Variants in VPS13A observed in about 807,000 individuals in gnomAD.
VPS13A encodes intermembrane lipid transfer protein VPS13A.
Under a neutral mutation model 390.9 loss-of-function variants are expected in VPS13A, and 264 were observed. The ratio of observed to expected loss-of-function variants is 0.68; its 90% CI spans 0.61 to 0.75. The LOEUF is 0.75. Among genes scored for constraint, VPS13A ranks in the 30% least tolerant of loss-of-function variants. The pLI is 0.00. For missense variants in VPS13A, 3,409 were observed against 3,733.9 expected, an observed-to-expected ratio of 0.91 and a Z score of 2.27; for synonymous variants, 1,231 against 1,227.1, an observed-to-expected ratio of 1.00 and a Z score of -0.07.
At chr9:77,351,178 T>A in intron 52 of VPS13A, 139 bp from the exon 53 acceptor site, 1 of 1,113,638 alleles carries the variant, frequency 9.0e-7, no homozygotes, top group South Asian at 1.4e-5. Flanking sequence ...TTGTATAAGG[T>A]AAGAATTTCA....
chr9:77,219,907 C>G (rs1823089998), intron 10 of VPS13A, 47 bp from the exon 11 acceptor site: 1 of 1,595,796 alleles, frequency 6.3e-7, no homozygotes, highest in African/African-American at 1.3e-5. Flanking sequence ...TGCCTTGAGA[C>G]TTTGGAAATA....
chr9:77,233,932 G>A (rs938506196), intron 17 of VPS13A, among the ~76,000 whole-genome samples: 29 of 152,220 alleles, frequency 1.9e-4, no homozygotes, highest in Admixed American at 1.3e-4. Context: ...TAGGTTCTCT[G>A]TTACTTTATT....
chr9:77,251,404 C>T (rs1825139798), intron 21 of VPS13A, among the ~76,000 whole-genome samples: 1 of 152,108 alleles, frequency 6.6e-6, no homozygotes, highest in South Asian at 2.1e-4. Flanking sequence ...ATACCTATTT[C>T]AGAAAATCTG....
chr9:77,274,321 G>A lies in VPS13A; in HGVS notation c.2512+957G>A, dbSNP rs192096222. On this transcript the variant is annotated intron_variant, in intron 24 of 71. Transcript: ENST00000360280. ...TGCACACCTGTAGTCCCGGCGACTC[G>A]GGAAGCTGAGGCAGGAGAATCGCCT... is the stretch of plus-strand genomic sequence containing the variant. Among the ~76,000 whole-genome samples the A allele has an allele frequency of 7.2e-5, 11 of 151,862 alleles. No individual in the cohort carries two copies. In the East Asian group the frequency reaches 1.9e-3, roughly 27 times the overall value.
intron 17 of VPS13A, among the ~76,000 whole-genome samples, chr9:77,232,024 A>T (rs190597772): frequency 9.1e-4 from 138 of 151,926 alleles, no homozygotes; most frequent in Non-Finnish European, 2.9e-5. Flanking sequence ...CTCAATGAAC[A>T]CTCCTGGTAC....
At chr9:77,330,228 C>G (rs531484954) in intron 45 of VPS13A, among the ~76,000 whole-genome samples, 19 of 152,212 alleles carry the variant, frequency 1.2e-4, no homozygotes, top group African/African-American at 4.6e-4. Context: ...ATTGCCTAGG[C>G]TGCTCTTGAA....
intron 13 of VPS13A, among the ~76,000 whole-genome samples, chr9:77,225,495 C>T (rs11145344): frequency 0.1 from 15,513 of 152,160 alleles, 804 homozygotes; most frequent in Middle Eastern, 0.12. Context: ...ATTCGCCTGC[C>T]TCAGCCTCCC....
chr9:77,215,866 G>T (rs1822833072), intron 10 of VPS13A, among the ~76,000 whole-genome samples: 1 of 152,222 alleles, frequency 6.6e-6, no homozygotes, highest in African/African-American at 2.4e-5. Flanking sequence ...CCTCATGGAG[G>T]GGTGTCTCTC....
chr9:77,411,415 G>A (rs1260302118), intron 71 of VPS13A, among the ~76,000 whole-genome samples: 2 of 152,114 alleles, frequency 1.3e-5, no homozygotes, highest in Non-Finnish European at 2.9e-5. Flanking sequence ...TGTAATCCCA[G>A]CACTTTGGGA....
At position 77,415,997 on chromosome 9, in the gene VPS13A, G is replaced by C; in HGVS notation, c.9516G>C (p.Pro3172=). Residue 3172 remains proline (P), a synonymous_variant, in exon 72 of 72, where the codon CCG becomes CCC. Transcript: ENST00000360280. ...TKLQEAREPS[P]SL is the part of the protein sequence containing the mutation. Reference sequence around the variant, plus strand: ...TACAAGAAGCAAGAGAACCTTCTCCGAGCCTCTGACAGAGAACACTGCCTG... The same window carrying C: ...TACAAGAAGCAAGAGAACCTTCTCCCAGCCTCTGACAGAGAACACTGCCTG... 1 of 1,613,358 alleles carries C rather than the reference G, an allele frequency of 6.2e-7. No individual in the cohort carries two copies. The highest frequency in any genetic ancestry group is 2.2e-5 in the East Asian group (1 of 44,854).
At chr9:77,295,412 GAATA>G (rs1483782098) in intron 32 of VPS13A, 126 bp from the exon 33 acceptor site, 4 of 746,736 alleles carry the variant, frequency 5.4e-6, no homozygotes, top group Non-Finnish European at 7.8e-6. Context: ...GTAAGATTTT[GAATA>G]AATAATGCTT....
chr9:77,412,893 C>T (rs1260572908), intron 71 of VPS13A, among the ~76,000 whole-genome samples: 5 of 152,198 alleles, frequency 3.3e-5, no homozygotes, highest in Non-Finnish European at 7.3e-5. Flanking sequence ...TAGGCAACTT[C>T]AGCAAAGTCT....
intron 1 of VPS13A, among the ~76,000 whole-genome samples, chr9:77,198,727 G>C (rs1161247858): frequency 1.3e-5 from 2 of 151,934 alleles, no homozygotes; most frequent in Non-Finnish European, 2.9e-5. Context: ...GCAGTGGCGT[G>C]ATGTCGGCTC....
chr9:77,344,146 ATTT>A lies in VPS13A; in HGVS notation c.7027-5_7027-3del. The A allele has an allele frequency of 6.3e-7, 1 of 1,579,220 alleles. No homozygotes were observed. The highest frequency in any genetic ancestry group is 1.1e-5 in the South Asian group (1 of 90,170). On this transcript the variant is annotated splice_region_variant and splice_polypyrimidine_tract_variant and intron_variant, in intron 50 of 71. Coordinates refer to ENST00000360280, the MANE Select transcript of VPS13A (RefSeq NM_033305.3). ...ATTTTTATAAACATATATAATGTAT[ATTT>A]TAGTGTATCCCCTTTTGGCCTGAGT... is the stretch of plus-strand genomic sequence containing the variant.
chr9:77,205,080 G>A (rs1825558780), intron 3 of VPS13A, among the ~76,000 whole-genome samples: 3 of 151,996 alleles, frequency 2.0e-5, no homozygotes, highest in South Asian at 4.1e-4. Context: ...TGTATATTTC[G>A]AATATAATCT....
intron 19 of VPS13A, among the ~76,000 whole-genome samples, chr9:77,244,394 T>C (rs1010898534): frequency 1.3e-5 from 2 of 152,074 alleles, no homozygotes; most frequent in Admixed American, 6.5e-5. Context: ...AAAGCCATTC[T>C]TGTGTCTTTC....
chr9:77,330,496 A>G (rs1830227449), intron 45 of VPS13A, among the ~76,000 whole-genome samples: 1 of 152,222 alleles, frequency 6.6e-6, no homozygotes, highest in Non-Finnish European at 1.5e-5. Flanking sequence ...AAGCAATATC[A>G]GACTTTGGTA....
chr9:77,301,449 T>A (rs1412717805), intron 33 of VPS13A, among the ~76,000 whole-genome samples: 1 of 152,326 alleles, frequency 6.6e-6, no homozygotes, highest in East Asian at 1.9e-4. Context: ...CATATGTAAG[T>A]TTGGTGTCAC....
intron 1 of VPS13A, among the ~76,000 whole-genome samples, chr9:77,185,170 T>A (rs1264411200): frequency 6.6e-6 from 1 of 150,532 alleles, no homozygotes; most frequent in Non-Finnish European, 1.5e-5. Context: ...TGAGACAGAG[T>A]CTCGCTCTGT....
Sources: allele counts gnomAD v4.1 joint callset (sites outside exome capture counted in the v4.1 genomes callset), GRCh38; gene constraint gnomAD v4.1.1; transcripts MANE v1.5; gene names NCBI Gene and HGNC (gene_info 2026-07-23, HGNC 2026-07-21).